FCHSD2: variants seen among roughly 807,000 people sequenced by gnomAD.
FCHSD2 encodes the protein F-BAR and double SH3 domains protein 2.
In FCHSD2, 38 loss-of-function variants were observed where a neutral mutation model predicts 108.1. The observed-to-expected ratio is 0.35, with a 90% CI of 0.27 to 0.46. FCHSD2 has a LOEUF of 0.46. Ranked by LOEUF, FCHSD2 falls within the 20% of genes least tolerant of loss-of-function variation. The probability of loss-of-function intolerance (pLI) is 1.00; values close to 1 mark genes in which losing one functional copy is unlikely to be tolerated. For missense variants in FCHSD2, 751 were observed against 897.8 expected, an observed-to-expected ratio of 0.84 and a Z score of 2.09; for synonymous variants, 279 against 314.7, an observed-to-expected ratio of 0.89 and a Z score of 1.20.
intron 2 of FCHSD2, among the ~76,000 whole-genome samples, chr11:73,124,719 G>A (rs1056271543): frequency 3.3e-5 from 5 of 151,538 alleles, no homozygotes; most frequent in African/African-American, 7.3e-5. Flanking sequence ...TTACGCCACT[G>A]CACTCCAGCC....
At chr11:73,050,671 A>C (rs1380837579) in intron 3 of FCHSD2, among the ~76,000 whole-genome samples, 2 of 152,224 alleles carry the variant, frequency 1.3e-5, no homozygotes, top group African/African-American at 4.8e-5. Flanking sequence ...ATGGGGAGAT[A>C]ATGGGAACAT....
intron 8 of FCHSD2, among the ~76,000 whole-genome samples, chr11:72,942,844 T>TATAC (rs1856447158): frequency 6.6e-6 from 1 of 152,148 alleles, no homozygotes; most frequent in Admixed American, 6.5e-5. Flanking sequence ...TGCAGTGGTA[T>TATAC]GATCATAGTT....
chr11:72,964,915 G>A (rs530631090), intron 8 of FCHSD2, among the ~76,000 whole-genome samples: 61 of 150,340 alleles, frequency 4.1e-4, no homozygotes, highest in African/African-American at 1.4e-3. Context: ...TCAGCCTCCC[G>A]AGTAGCGGGG....
chr11:72,971,961 A>T (rs1464829073), intron 8 of FCHSD2, among the ~76,000 whole-genome samples: 1 of 152,244 alleles, frequency 6.6e-6, no homozygotes, highest in Non-Finnish European at 1.5e-5. Context: ...CAATTATGAT[A>T]GTGACAATAT....
intron 8 of FCHSD2, among the ~76,000 whole-genome samples, chr11:72,945,301 C>T (rs1222219826): frequency 6.6e-6 from 1 of 152,148 alleles, no homozygotes; most frequent in East Asian, 1.9e-4. Context: ...AATGGGGAAA[C>T]GATTCCCTAT....
At position 72,962,501 on chromosome 11, in the gene FCHSD2, A is replaced by G. The variant is rs150249064; in HGVS notation, c.705+21587T>C. Among the ~76,000 whole-genome samples the G allele has an allele frequency of 1.8e-3, 276 of 152,352 alleles. 2 individuals carry two copies. Among genetic ancestry groups the G allele is most frequent in the Non-Finnish European group, 2.9e-3 (196 of 68,034 alleles). ...TATAAGCGATTGATATTCACTGTAA[A>G]AAGAACAGGAGTTTACAAAATATAC... On this transcript the variant is annotated intron_variant, in intron 8 of 19. Transcript: ENST00000409418.
chr11:72,871,461 A>G (rs1172695744), intron 12 of FCHSD2, among the ~76,000 whole-genome samples: 1 of 152,222 alleles, frequency 6.6e-6, no homozygotes, highest in African/African-American at 2.4e-5. Context: ...TCACATATGC[A>G]AGTGGTGATC....
chr11:72,853,476 G>A (rs894991042), intron 13 of FCHSD2, among the ~76,000 whole-genome samples: 10 of 151,822 alleles, frequency 6.6e-5, no homozygotes, highest in African/African-American at 1.9e-4. Context: ...GTGTAGTGGC[G>A]CAATCTTGAC....
At chr11:72,882,953 G>T (rs1005405750) in intron 12 of FCHSD2, among the ~76,000 whole-genome samples, 1 of 152,096 alleles carries the variant, frequency 6.6e-6, no homozygotes, top group African/African-American at 2.4e-5. Context: ...TGTGATACTG[G>T]CATAAGTACA....
chr11:72,975,492 CAGGT>C (rs933427159), intron 8 of FCHSD2, among the ~76,000 whole-genome samples: 5 of 152,040 alleles, frequency 3.3e-5, no homozygotes, highest in African/African-American at 4.8e-5. Context: ...TATTCTAAAA[CAGGT>C]AGGAGAGAAG....
chr11:73,079,249 T>A (rs1168559192), intron 3 of FCHSD2, among the ~76,000 whole-genome samples: 1 of 150,366 alleles, frequency 6.7e-6, no homozygotes, highest in African/African-American at 2.4e-5. Flanking sequence ...CAGGCTGGAG[T>A]GTGGTGGCCT....
intron 14 of FCHSD2, among the ~76,000 whole-genome samples, chr11:72,844,007 C>CT (rs904751319): frequency 6.6e-6 from 1 of 151,932 alleles, no homozygotes; most frequent in Non-Finnish European, 1.5e-5. Context: ...GACCCTGTCT[C>CT]TAAAAAAACA....
At chr11:72,857,477 C>T (rs940605502) in intron 13 of FCHSD2, among the ~76,000 whole-genome samples, 2 of 146,782 alleles carry the variant, frequency 1.4e-5, no homozygotes, top group Non-Finnish European at 3.0e-5. Context: ...TCACTCTTGT[C>T]GCCCAGGCTG....
intron 9 of FCHSD2, among the ~76,000 whole-genome samples, chr11:72,909,185 C>T (rs577463372): frequency 6.6e-5 from 10 of 151,990 alleles, no homozygotes; most frequent in Non-Finnish European, 1.0e-4. Flanking sequence ...TGCAGGCACA[C>T]GCCGCCACGC....
intron 2 of FCHSD2, 41 bp downstream of exon 2, chr11:73,139,990 C>A: frequency 1.8e-6 from 2 of 1,134,166 alleles, no homozygotes; most frequent in Non-Finnish European, 2.5e-6. Context: ...TTCTTTGAAA[C>A]AGACAAACAG....
At chr11:72,951,556 A>G (rs1398416337) in intron 8 of FCHSD2, among the ~76,000 whole-genome samples, 1 of 152,204 alleles carries the variant, frequency 6.6e-6, no homozygotes, top group African/African-American at 2.4e-5. Flanking sequence ...TGTAAAATTT[A>G]TCACCATTTT....
chr11:73,103,592 C>T (rs1565411898), intron 2 of FCHSD2, among the ~76,000 whole-genome samples: 1 of 152,044 alleles, frequency 6.6e-6, no homozygotes, highest in Non-Finnish European at 1.5e-5. Context: ...AGTCTGTAGC[C>T]CCAAGCATTA....
chr11:72,993,952 T>C (rs1857471822), intron 5 of FCHSD2, among the ~76,000 whole-genome samples: 1 of 152,160 alleles, frequency 6.6e-6, no homozygotes. Flanking sequence ...AGCCAGGCTT[T>C]GGGCTTCTGT....
intron 8 of FCHSD2, among the ~76,000 whole-genome samples, chr11:72,967,671 A>G (rs747986422): frequency 2.0e-4 from 30 of 152,212 alleles, no homozygotes; most frequent in Non-Finnish European, 4.1e-4. Flanking sequence ...GATAACAGAA[A>G]TGTTCTGGAA....
Sources: gnomAD v4.1 joint callset for allele counts (sites outside exome capture counted in the v4.1 genomes callset) on GRCh38, gnomAD v4.1.1 for gene constraint, MANE v1.5 for transcripts, NCBI Gene and HGNC (gene_info 2026-07-23, HGNC 2026-07-21) for gene names.